Variants in CD99 observed in about 807,000 individuals in gnomAD.
CD99 encodes CD99 molecule (Xg blood group), also known as CD99 antigen.
Under a neutral mutation model 28.4 loss-of-function variants are expected in CD99, and 19 were observed. The ratio of observed to expected loss-of-function variants is 0.67; its 90% confidence interval spans 0.47 to 0.98. The LOEUF (loss-of-function observed/expected upper bound fraction) is 0.98, where lower values mean the gene tolerates loss of function less well. CD99 is among the 50% of genes least tolerant of loss of function. The probability of loss-of-function intolerance (pLI) is 0.00; values close to 1 mark genes in which losing one functional copy is unlikely to be tolerated. For synonymous variants in CD99, 103 were observed against 92.1 expected (o/e 1.12, Z -0.67); for missense variants, 283 against 248.8 (o/e 1.14, Z -0.92).
At chrX:2,721,947 A>G (rs1467407958) in intron 5 of CD99, among the ~76,000 whole-genome samples, 1 of 152,136 alleles carries the variant, frequency 6.6e-6, no homozygotes, top group African/African-American at 2.4e-5. Flanking sequence ...GTACTTTCGT[A>G]GCTTTTGACC....
At chrX:2,727,125 A>C (rs1052474483) in intron 8 of CD99, among the ~76,000 whole-genome samples, 4 of 152,224 alleles carry the variant, frequency 2.6e-5, no homozygotes, top group African/African-American at 9.6e-5. Context: ...CGACAGAGTG[A>C]GACTCCGTCT....
At chrX:2,725,016 C>T (rs370707770) in intron 7 of CD99, among the ~76,000 whole-genome samples, 39 of 150,740 alleles carry the variant, frequency 2.6e-4, no homozygotes, top group Admixed American at 6.6e-4. Context: ...GAGCCGAGAT[C>T]GCACCACTGC....
chrX:2,735,941 A>G (rs1178069351), intron 8 of CD99, among the ~76,000 whole-genome samples: 15 of 151,920 alleles, frequency 9.9e-5, no homozygotes, highest in East Asian at 1.9e-4. Context: ...GGTGGTTCAC[A>G]CCTGTAATCC....
At chrX:2,735,782 C>T (rs1359720369) in intron 8 of CD99, among the ~76,000 whole-genome samples, 2 of 152,140 alleles carry the variant, frequency 1.3e-5, no homozygotes, top group African/African-American at 2.4e-5. Context: ...GGGTTTTCCT[C>T]TCTTTTTCTT....
At chrX:2,718,571 A>G (rs1055710897) in intron 3 of CD99, among the ~76,000 whole-genome samples, 6 of 151,696 alleles carry the variant, frequency 4.0e-5, no homozygotes, top group Non-Finnish European at 8.8e-5. Context: ...GGGTTTCACC[A>G]TGTTAGCCAG....
chrX:2,707,689 T>C (rs2048189590), intron 1 of CD99, among the ~76,000 whole-genome samples: 1 of 152,208 alleles, frequency 6.6e-6, no homozygotes, highest in South Asian at 2.1e-4. Context: ...TTGGGGGTTC[T>C]GCTGAGGGTC....
At chrX:2,737,852 A>G in intron 8 of CD99, 1 of 448,522 alleles carries the variant, frequency 2.2e-6, no homozygotes, top group East Asian at 4.8e-5. Flanking sequence ...TTATTTTCAC[A>G]GATGCACGTA....
intron 1 of CD99, among the ~76,000 whole-genome samples, chrX:2,702,700 A>G (rs922184569): frequency 6.6e-5 from 10 of 152,230 alleles, no homozygotes; most frequent in Non-Finnish European, 1.5e-4. Flanking sequence ...TATTAAACCC[A>G]GGACCCAATA....
intron 8 of CD99, among the ~76,000 whole-genome samples, chrX:2,735,033 A>T (rs1249444587): frequency 2.6e-5 from 4 of 152,076 alleles, no homozygotes; most frequent in Admixed American, 2.6e-4. Flanking sequence ...TCTTTGAAGG[A>T]TGTGTCCCAA....
At chrX:2,710,671 G>A (rs1212284000) in intron 1 of CD99, among the ~76,000 whole-genome samples, 1 of 151,840 alleles carries the variant, frequency 6.6e-6, no homozygotes, top group African/African-American at 2.4e-5. Context: ...GGAGGGGGTG[G>A]GGACTTGCCC....
At chrX:2,710,513 G>GTTTT (rs1304481479) in intron 1 of CD99, among the ~76,000 whole-genome samples, 362 of 131,740 alleles carry the variant, frequency 2.7e-3, no homozygotes, top group Middle Eastern at 8.3e-3. Flanking sequence ...TCACGTGTGG[G>GTTTT]GTTTTTTTTT....
intron 8 of CD99, among the ~76,000 whole-genome samples, chrX:2,730,175 C>CTTT (rs58977521): frequency 7.2e-6 from 1 of 139,600 alleles, no homozygotes; most frequent in Non-Finnish European, 1.6e-5. Flanking sequence ...ATAAAAATAC[C>CTTT]TTTTTTTTTT....
At chrX:2,732,571 C>T (rs73630843) in intron 8 of CD99, among the ~76,000 whole-genome samples, 14,493 of 143,772 alleles carry the variant, frequency 0.1, 1,805 homozygotes, top group African/African-American at 0.3. Context: ...CCCTCTCTCT[C>T]TCTTTTCATT....
chrX:2,737,265 C>T (rs757917971), intron 8 of CD99, among the ~76,000 whole-genome samples: 1 of 152,216 alleles, frequency 6.6e-6, no homozygotes, highest in South Asian at 2.1e-4. Context: ...GCAACCTCCA[C>T]CTCTTGGGTT....
chrX:2,718,026 C>G (rs2048816800), intron 3 of CD99: 1 of 203,288 alleles, frequency 4.9e-6, no homozygotes, highest in Non-Finnish European at 9.9e-6. Flanking sequence ...ACTGCAACCT[C>G]CACCTCCCGG....
At chrX:2,692,630 C>G (rs1411580516) in intron 1 of CD99, among the ~76,000 whole-genome samples, 18 of 152,116 alleles carry the variant, frequency 1.2e-4, no homozygotes, top group African/African-American at 4.3e-4. Flanking sequence ...GGGGAGGTTC[C>G]AAGCAGAGCT....
chrX:2,705,960 T>C (rs898479162), intron 1 of CD99, among the ~76,000 whole-genome samples: 9 of 151,772 alleles, frequency 5.9e-5, no homozygotes, highest in African/African-American at 2.2e-4. Context: ...GCTACAATTA[T>C]CTCTAGGCTG....
chrX:2,729,173 G>C (rs1170588901), intron 8 of CD99, among the ~76,000 whole-genome samples: 2 of 152,118 alleles, frequency 1.3e-5, no homozygotes, highest in African/African-American at 4.8e-5. Context: ...GAACACTTTT[G>C]CATTAAACTA....
chrX:2,720,170 C>T (rs2048925567), intron 4 of CD99, among the ~76,000 whole-genome samples, 186 bp from the exon 5 acceptor site: 1 of 152,146 alleles, frequency 6.6e-6, no homozygotes. Context: ...ACATAGTTGA[C>T]ATTAAGAACT....
Sources: allele counts gnomAD v4.1 joint callset (sites outside exome capture counted in the v4.1 genomes callset), GRCh38; gene constraint gnomAD v4.1.1; transcripts MANE v1.5; gene names NCBI Gene and HGNC (gene_info 2026-07-23, HGNC 2026-07-21).